XKR7: variants seen among roughly 807,000 people sequenced by gnomAD.
The protein encoded by XKR7 is XK-related protein 7.
In XKR7, 11 loss-of-function variants were observed where a neutral mutation model predicts 42.2. The observed-to-expected ratio is 0.26, with a 90% CI of 0.16 to 0.43. The LOEUF is 0.43. XKR7 is among the 20% of genes least tolerant of loss of function. The pLI, the probability that XKR7 is intolerant of heterozygous loss-of-function variation, is 1.00. For synonymous variants in XKR7, 346 were observed against 366.4 expected (o/e 0.94, Z 0.64); for missense variants, 710 against 802.2 (o/e 0.89, Z 1.39).
chr20:31,993,093 C>T (rs960509287), intron 1 of XKR7, among the ~76,000 whole-genome samples: 1 of 141,204 alleles, frequency 7.1e-6, no homozygotes, highest in Non-Finnish European at 1.5e-5. Context: ...CCCCTCCACA[C>T]ACACACACAC....
chr20:31,987,184 G>A (rs578193177), intron 1 of XKR7, among the ~76,000 whole-genome samples: 6 of 134,704 alleles, frequency 4.5e-5, no homozygotes, highest in East Asian at 2.3e-4. Context: ...ACCTCAAAGC[G>A]GGCCCAGTAT....
At chr20:31,977,643 A>G (rs915132420) in intron 1 of XKR7, among the ~76,000 whole-genome samples, 3 of 152,200 alleles carry the variant, frequency 2.0e-5, no homozygotes, top group Non-Finnish European at 2.9e-5. Flanking sequence ...CTTGCTTAGT[A>G]ACAAGATGGG....
At position 31,996,649 on chromosome 20, in the gene XKR7, C is replaced by A; in HGVS notation, c.932C>A (p.Ala311Asp). The A allele has an allele frequency of 6.3e-7, 1 of 1,593,534 alleles. No individual in the cohort carries two copies. Among genetic ancestry groups the A allele is most frequent in the Non-Finnish European group, 8.6e-7 (1 of 1,168,752 alleles). Residue 311 changes from alanine to aspartate, a missense_variant, in exon 3 of 3, where the codon GCC becomes GAC. Ala to Asp is a moderately radical substitution (Grantham distance 126). Transcript: ENST00000562532. Reference sequence around the variant, plus strand: ...GTGCTGTGGCACCTGTTCAGCATTGCCGCCCGCGGCCTGGCCTTCGCGCTC... The same window carrying A: ...GTGCTGTGGCACCTGTTCAGCATTGACGCCCGCGGCCTGGCCTTCGCGCTC... ...AQVLWHLFSI[A>D]ARGLAFALFA...
chr20:31,999,479 G>T lies in XKR7; in HGVS notation c.*2022G>T, dbSNP rs2064613993. 6.6e-6 allele frequency: 1 copy of T among 152,196 alleles called. No homozygotes were observed. The highest frequency in any genetic ancestry group is 6.5e-5 in the Admixed American group (1 of 15,282). The allele number at this position is 152,196 out of a possible 1,614,324, so 9.4% of individuals were successfully genotyped here. A position where few individuals can be genotyped will look rare whatever the true frequency, so the allele number is the denominator to read the frequency against. On this transcript the variant is annotated 3_prime_UTR_variant, in exon 3 of 3. Coordinates refer to ENST00000562532, the MANE Select transcript of XKR7 (RefSeq NM_001011718.2). ...TGCTTTTCCTTCTTTCTGCTGCTAA[G>T]CACCCTCAGGAACGAGGCCTCGAGG...
chr20:31,997,509 C>T lies in XKR7; in HGVS notation c.*52C>T, dbSNP rs778939074. The stretch of plus-strand genomic sequence containing the variant: ...CAGGCTTGGCTGATCCCACATCCGC[C>T]GCAGTGTTGTGCCCCGAATTTCAGG... On this transcript the variant is annotated 3_prime_UTR_variant, in exon 3 of 3. Coordinates refer to ENST00000562532, the MANE Select transcript of XKR7 (RefSeq NM_001011718.2). 23 of 1,504,462 alleles carry T rather than the reference C, an allele frequency of 1.5e-5. No homozygotes were observed. Among genetic ancestry groups the T allele is most frequent in the African/African-American group, 9.6e-5 (7 of 72,762 alleles). The allele number at this position is 1,504,462 out of a possible 1,614,324, so 93.2% of individuals were successfully genotyped here. A position where few individuals can be genotyped will look rare whatever the true frequency, so the allele number is the denominator to read the frequency against.
rs2064630330 is a variant in XKR7 at position 32,002,593 on chromosome 20, T to G, written c.*5136T>G. The stretch of plus-strand genomic sequence containing the variant: ...TATCTGAACCGTTCCCATAGCTCCC[T>G]CATTATTTTCTTCCCTGAGGATCCT... On this transcript the variant is annotated 3_prime_UTR_variant, in exon 3 of 3. Transcript: ENST00000562532. 1 of 152,152 alleles carries G rather than the reference T, an allele frequency of 6.6e-6. No individual in the cohort carries two copies. The highest frequency in any genetic ancestry group is 1.5e-5 in the Non-Finnish European group (1 of 68,014). The allele number at this position is 152,152 out of a possible 1,614,324, so 9.4% of individuals were successfully genotyped here.
chr20:31,987,778 T>G (rs1417497402), intron 1 of XKR7, among the ~76,000 whole-genome samples: 1 of 152,204 alleles, frequency 6.6e-6, no homozygotes, highest in Non-Finnish European at 1.5e-5. Flanking sequence ...GGACAGAGAC[T>G]GAAGCTCCTG....
chr20:31,968,877 C>G lies in XKR7; in HGVS notation c.584+118C>G, dbSNP rs148758252. On this transcript the variant is annotated intron_variant, in intron 1 of 2. Transcript: ENST00000562532. This position sits in a 1 kb window ranked among gnomAD's most constrained non-coding sequence, Gnocchi z 4.5. ...CTACCCTCCTGTCCTGACCTCCCCC[C>G]CTCCCCACCCCATTGCAGCTCTAAT... is the stretch of plus-strand genomic sequence containing the variant. 46 of 1,381,436 alleles carry G rather than the reference C, an allele frequency of 3.3e-5. No individual in the cohort carries two copies. The highest frequency in any genetic ancestry group is 1.6e-4 in the East Asian group (6 of 38,254). The allele number at this position is 1,381,436 out of a possible 1,614,324, so 85.6% of individuals were successfully genotyped here. A position where few individuals can be genotyped will look rare whatever the true frequency, so the allele number is the denominator to read the frequency against.
rs145203298 is a variant in XKR7 at position 31,997,370 on chromosome 20, G to A, written c.1653G>A (p.Leu551=). Residue 551 remains leucine (L), a synonymous_variant, in exon 3 of 3, where the codon CTG becomes CTA. Coordinates refer to ENST00000562532, the MANE Select transcript of XKR7 (RefSeq NM_001011718.2). ...GGCTCCGGAAGACCATCCTGGCACTGGAGTACTCCTCACCTGCCACGCCCC... is the reference window on the plus strand; with the variant it reads ...GGCTCCGGAAGACCATCCTGGCACTAGAGTACTCCTCACCTGCCACGCCCC... ...DRRLRKTILA[L]EYSSPATPRL... 1 of 1,602,540 alleles carries A rather than the reference G, an allele frequency of 6.2e-7. No homozygotes were observed.
Position 31,968,577 on chromosome 20 carries a change from C to T in XKR7, c.402C>T (p.Ala134=), listed in dbSNP as rs758142231. ...CCGTCAGCACCAAGGACAGCGTAGCCGGCGGAGCCGCCATCAGCACCAAGG... is the reference window on the plus strand; with the variant it reads ...CCGTCAGCACCAAGGACAGCGTAGCTGGCGGAGCCGCCATCAGCACCAAGG... ...GPAVSTKDSV[A]GGAAISTKDS... is the part of the protein sequence containing the mutation. The change falls in exon 1 of 3, where the codon GCC becomes GCT. Residue 134 remains alanine (A), a synonymous_variant. Transcript: ENST00000562532. The surrounding 1 kb of genome is among the most constrained non-coding windows in gnomAD (Gnocchi z 4.5). 6 of 1,609,386 alleles carry T rather than the reference C, an allele frequency of 3.7e-6. No individual in the cohort carries two copies. The highest frequency in any genetic ancestry group is 5.1e-6 in the Non-Finnish European group (6 of 1,178,870).
rs2064587851 is a variant in XKR7 at position 31,995,594 on chromosome 20, A to G, written c.787+324A>G. Among the ~76,000 whole-genome samples the G allele has an allele frequency of 6.6e-6, 1 of 151,180 alleles. No individual in the cohort carries two copies. Among genetic ancestry groups the G allele is most frequent in the African/African-American group, 2.4e-5 (1 of 41,096 alleles). On this transcript the variant is annotated intron_variant, in intron 2 of 2. Coordinates refer to ENST00000562532, the MANE Select transcript of XKR7 (RefSeq NM_001011718.2). The surrounding 1 kb of genome is among the most constrained non-coding windows in gnomAD (Gnocchi z 4.1). ...CCAACCAAACCCCATCTCCCACCCA[A>G]ACACCTTAGACCCTCTGGGGAATCC...
intron 1 of XKR7, among the ~76,000 whole-genome samples, chr20:31,994,843 T>G (rs2064583559): frequency 6.6e-6 from 1 of 152,210 alleles, no homozygotes; most frequent in Non-Finnish European, 1.5e-5. Context: ...ATTAAAGGCT[T>G]TATTTACTTA....
Position 31,996,901 on chromosome 20 carries a change from ACGC to A in XKR7, c.1188_1190del (p.Ala397del). ...TACCACTGCATCGTCCTGCTGGAGA[ACGC>A]CGCGCTCACCGGCTTCTGGTACTCC... On this transcript the variant is annotated inframe_deletion, in exon 3 of 3. Transcript: ENST00000562532. The A allele has an allele frequency of 6.2e-7, 1 of 1,613,828 alleles. No homozygotes were observed. Among genetic ancestry groups the A allele is most frequent in the Non-Finnish European group, 8.5e-7 (1 of 1,179,998 alleles).
At chr20:31,980,878 G>A (rs1232137012) in intron 1 of XKR7, among the ~76,000 whole-genome samples, 4 of 151,642 alleles carry the variant, frequency 2.6e-5, no homozygotes, top group African/African-American at 4.8e-5. Context: ...CCTGGGCAAC[G>A]TAGAGAGACC....
intron 1 of XKR7, among the ~76,000 whole-genome samples, chr20:31,994,739 G>A (rs1177930201): frequency 6.6e-6 from 1 of 152,102 alleles, no homozygotes; most frequent in African/African-American, 2.4e-5. Context: ...GGGTAACAGG[G>A]CTATTGTAAG....
chr20:31,981,300 C>T (rs1169949818), intron 1 of XKR7, among the ~76,000 whole-genome samples: 1 of 152,050 alleles, frequency 6.6e-6, no homozygotes, highest in African/African-American at 2.4e-5. Flanking sequence ...CACTTGAACC[C>T]AGAGGGCAGG....
rs776285870 is a variant in XKR7 at position 31,997,135 on chromosome 20, C to T, written c.1418C>T (p.Pro473Leu). Residue 473 changes from proline to leucine, a missense_variant, in exon 3 of 3, where the codon CCC (proline) becomes CTC (leucine). Pro to Leu is a moderately conservative substitution (Grantham distance 98). Transcript: ENST00000562532. ...GPPADAITSP[P>L]RSLPRTTGAE... ...CCCGCTGACGCCATCACGAGTCCCC[C>T]CAGGTCCCTGCCAAGGACTACAGGT... 1.9e-6 allele frequency: 3 copies of T among 1,612,264 alleles called. No homozygotes were observed. Among genetic ancestry groups the T allele is most frequent in the Admixed American group, 3.3e-5 (2 of 60,008 alleles).
Position 31,996,607 on chromosome 20 carries a change from A to C in XKR7, c.890A>C (p.Lys297Thr). ...GACGACAAGCGGCCGCTGTCCTACA[A>C]GGGCGCCGTGGCACAGGTGCTGTGG... ...SRDDKRPLSYKGAVAQVLWHL... is the reference protein window; with the variant it reads ...SRDDKRPLSYTGAVAQVLWHL... The change falls in exon 3 of 3, where the codon AAG (lysine) becomes ACG (threonine). Residue 297 changes from lysine (K) to threonine (T), a missense_variant. Physicochemically the swap from Lys to Thr is moderately conservative, Grantham distance 78 (BLOSUM62 -1). Transcript: ENST00000562532. 2 of 1,569,802 alleles carry C rather than the reference A, an allele frequency of 1.3e-6. No homozygotes were observed. The highest frequency in any genetic ancestry group is 1.7e-6 in the Non-Finnish European group (2 of 1,158,034).
intron 1 of XKR7, among the ~76,000 whole-genome samples, chr20:31,989,284 C>T (rs200723402): frequency 5.3e-5 from 8 of 150,912 alleles, no homozygotes; most frequent in African/African-American, 1.5e-4. Flanking sequence ...CACCCCCCCC[C>T]CAGCGCATCT....
Sources: gnomAD v4.1 joint callset for allele counts (sites outside exome capture counted in the v4.1 genomes callset) on GRCh38, gnomAD v4.1.1 for gene constraint, Gnocchi (gnomAD v3.1) non-coding constraint, MANE v1.5 for transcripts, NCBI Gene and HGNC (gene_info 2026-07-23, HGNC 2026-07-21) for gene names.